The following USH2A variants were observed in gnomAD, a reference collection of about 807,000 sequenced individuals.
USH2A encodes the protein Usher syndrome 2A (autosomal recessive, mild).
USH2A carries 443 observed loss-of-function variants against 538.9 expected under a neutral mutation model. The observed-to-expected ratio is 0.82, with a 90% confidence interval of 0.76 to 0.89. USH2A has a LOEUF of 0.89. Among genes scored for constraint, USH2A ranks in the 40% least tolerant of loss-of-function variants. The probability of loss-of-function intolerance (pLI) is 0.00; values close to 1 mark genes in which losing one functional copy is unlikely to be tolerated. For missense variants in USH2A, 6,633 were observed against 6,324.8 expected, an observed-to-expected ratio of 1.05 and a Z score of -1.65; for synonymous variants, 2,413 against 2,273.5, an observed-to-expected ratio of 1.06 and a Z score of -1.75.
At chr1:216,228,513 C>T (rs1420595209) in intron 14 of USH2A, among the ~76,000 whole-genome samples, 1 of 152,094 alleles carries the variant, frequency 6.6e-6, no homozygotes, top group Non-Finnish European at 1.5e-5. Flanking sequence ...CTTTCCCCTG[C>T]TGTTCTCATG....
At chr1:216,376,376 T>C (rs1239982395) in intron 3 of USH2A, among the ~76,000 whole-genome samples, 1 of 151,928 alleles carries the variant, frequency 6.6e-6, no homozygotes, top group Non-Finnish European at 1.5e-5. Context: ...AGTATGAGAA[T>C]ATAGAGGGTA....
intron 30 of USH2A, among the ~76,000 whole-genome samples, chr1:216,058,894 G>A (rs900731491): frequency 1.3e-5 from 2 of 152,108 alleles, no homozygotes; most frequent in African/African-American, 4.8e-5. Context: ...CTTGAGCAAG[G>A]TAGTGAACGA....
In USH2A at chr1:215,728,153, A is replaced by C. The variant is rs1176720032; in HGVS notation, c.11943T>G (p.Val3981=). 6.2e-7 allele frequency: 1 copy of C among 1,614,064 alleles called. No individual in the cohort carries two copies. The highest frequency in any genetic ancestry group is 1.3e-5 in the African/African-American group (1 of 74,912). Residue 3981 remains valine (V), a synonymous_variant, in exon 61 of 72, where the codon GTT becomes GTG. Coordinates refer to ENST00000307340, the MANE Select transcript of USH2A (RefSeq NM_206933.4). ...PWAQATSAHS[V]LLNWTKPESP... ...ATTCTGGCTTTGTCCAATTCAACAG[A>C]ACTGAATGAGCACTCGTGGCTTGAG...
chr1:215,655,742 TTTTTTTTC>T (rs1657228455), intron 64 of USH2A, among the ~76,000 whole-genome samples: 1 of 144,902 alleles, frequency 6.9e-6, no homozygotes, highest in Admixed American at 6.8e-5. Context: ...TTTTTTTTTT[TTTTTTTTC>T]TTTGAGACAG....
intron 21 of USH2A, among the ~76,000 whole-genome samples, chr1:216,165,411 C>G (rs2034147324): frequency 6.6e-6 from 1 of 152,120 alleles, no homozygotes; most frequent in East Asian, 1.9e-4. Flanking sequence ...GCTATAACAA[C>G]TGGTGTACAA....
chr1:215,985,040 G>A (rs1667839663), intron 35 of USH2A, among the ~76,000 whole-genome samples: 1 of 152,180 alleles, frequency 6.6e-6, no homozygotes. Flanking sequence ...CTGACTGGAG[G>A]TGTTTCATAA....
rs143815827 is a variant in USH2A, at chr1:215,948,676, C to T, written c.7121-13881G>A. Among the ~76,000 whole-genome samples the T allele has an allele frequency of 9.2e-5, 14 of 152,078 alleles. No homozygotes were observed. In the East Asian group the frequency reaches 2.7e-3, roughly 29 times the overall value. On this transcript the variant is annotated intron_variant, in intron 37 of 71. Transcript: ENST00000307340. ...ACCCACCCTCTTGATTTTTATTATA[C>T]ATATAAACTCTGTCAGGGACATAAT...
intron 61 of USH2A, 141 bp downstream of exon 61, chr1:215,727,889 T>C (rs1279885044): frequency 2.0e-6 from 2 of 1,001,700 alleles, no homozygotes; most frequent in Non-Finnish European, 3.0e-6. Context: ...TCCCCGTGAC[T>C]ACATTGCAAC....
At chr1:215,932,533 A>C (rs112935571) in intron 38 of USH2A, among the ~76,000 whole-genome samples, 9 of 152,064 alleles carry the variant, frequency 5.9e-5, no homozygotes, top group African/African-American at 1.9e-4. Flanking sequence ...ACAAGGTCAT[A>C]AAAAAGATAA....
At chr1:216,188,066 T>A (rs2034643342) in intron 20 of USH2A, among the ~76,000 whole-genome samples, 1 of 151,998 alleles carries the variant, frequency 6.6e-6, no homozygotes, top group African/African-American at 2.4e-5. Flanking sequence ...AGAGAGAGGA[T>A]TCAGAGGGCT....
intron 59 of USH2A, 84 bp downstream of exon 59, chr1:215,743,093 T>C: frequency 6.6e-7 from 1 of 1,510,036 alleles, no homozygotes; most frequent in Non-Finnish European, 9.1e-7. Context: ...ATATTTGGAC[T>C]GAGAATGTAT....
In USH2A at chr1:215,680,254, T is replaced by C. The variant is rs759971481; in HGVS notation, c.12189A>G (p.Glu4063=). Residue 4063 remains glutamate (E), a synonymous_variant, in exon 62 of 72, where the codon GAA becomes GAG. Transcript: ENST00000307340. ...AGTTTCTCAGTCCACTTGGGGAAGA[T>C]TCTAAGGTTTGAATCAGAGTCCAAG... ...LSPWTLIQTL[E]SSPSGLRNFI... is the part of the protein sequence containing the mutation. The C allele has an allele frequency of 3.1e-6, 5 of 1,614,156 alleles. No individual in the cohort carries two copies. The highest frequency in any genetic ancestry group is 1.1e-5 in the South Asian group (1 of 91,088).
chr1:215,799,200 C>G, intron 49 of USH2A, 75 bp from the exon 50 acceptor site: 1 of 1,440,198 alleles, frequency 6.9e-7, no homozygotes, highest in South Asian at 1.2e-5. Context: ...ACTTTTATCA[C>G]AATCATCTTG....
At chr1:216,358,478 T>A (rs1258994324) in intron 4 of USH2A, among the ~76,000 whole-genome samples, 2 of 151,914 alleles carry the variant, frequency 1.3e-5, no homozygotes, top group Non-Finnish European at 2.9e-5. Context: ...ATTTTTTGAT[T>A]AAAAAAAGGA....
At chr1:216,169,083 G>A (rs1315600037) in intron 21 of USH2A, among the ~76,000 whole-genome samples, 1 of 152,142 alleles carries the variant, frequency 6.6e-6, no homozygotes, top group Non-Finnish European at 1.5e-5. Context: ...TGTCTAGGCA[G>A]TGGGCAAGGA....
At position 216,036,255 on chromosome 1, in the gene USH2A, A is replaced by G. The variant is rs147499904; in HGVS notation, c.6325+10176T>C. Among the ~76,000 whole-genome samples, 273 of 152,224 alleles carry G rather than the reference A, an allele frequency of 1.8e-3. 1 individual carries two copies. Among genetic ancestry groups the G allele is most frequent in the African/African-American group, 6.3e-3 (263 of 41,540 alleles). ...TCTATCAATTTTATCACATATATTAAAATTGGGAATAACATTACAAAAAGA... is the reference window on the plus strand; with the variant it reads ...TCTATCAATTTTATCACATATATTAGAATTGGGAATAACATTACAAAAAGA... On this transcript the variant is annotated intron_variant, in intron 32 of 71. Coordinates refer to ENST00000307340, the MANE Select transcript of USH2A (RefSeq NM_206933.4).
In USH2A at chr1:216,220,967, T is replaced by A. The variant is rs116540039; in HGVS notation, c.2994-3417A>T. ...AGGATTATTAATAAACAAAAGAGAA[T>A]GAGACTTCAAGGCAAATTGGAGAAA... On this transcript the variant is annotated intron_variant, in intron 14 of 71. Transcript: ENST00000307340. 3.5e-3 allele frequency among the ~76,000 whole-genome samples: 527 copies of A among 152,266 alleles called. 2 individuals are homozygous for A. The highest frequency in any genetic ancestry group is 0.012 in the African/African-American group (499 of 41,568).
At chr1:216,236,796 T>C (rs1422167094) in intron 13 of USH2A, among the ~76,000 whole-genome samples, 1 of 152,120 alleles carries the variant, frequency 6.6e-6, no homozygotes, top group African/African-American at 2.4e-5. Flanking sequence ...ACCCTAAAAC[T>C]ATATCTTAGC....
rs753672259 is a variant in USH2A at position 215,674,594 on chromosome 1, T to C, written c.13317A>G (p.Thr4439=). The C allele has an allele frequency of 5.0e-6, 8 of 1,614,172 alleles. No individual in the cohort carries two copies. Among genetic ancestry groups the C allele is most frequent in the Non-Finnish European group, 6.8e-6 (8 of 1,180,020 alleles). Residue 4439 remains threonine (T), a synonymous_variant, in exon 63 of 72, where the codon ACA becomes ACG. Coordinates refer to ENST00000307340, the MANE Select transcript of USH2A (RefSeq NM_206933.4). The part of the protein sequence containing the change: ...CTASVSKSAW[T]MEALPENMDS... ...CCATGTTCTCTGGCAGGGCCTCCATTGTCCAGGCAGATTTTGACACACTAG... is the reference window on the plus strand; with the variant it reads ...CCATGTTCTCTGGCAGGGCCTCCATCGTCCAGGCAGATTTTGACACACTAG...
Sources: gnomAD v4.1 joint callset for allele counts (sites outside exome capture counted in the v4.1 genomes callset) on GRCh38, gnomAD v4.1.1 for gene constraint, MANE v1.5 for transcripts, NCBI Gene and HGNC (gene_info 2026-07-23, HGNC 2026-07-21) for gene names.